The following ZBTB7C variants were observed in gnomAD, a reference collection of about 807,000 sequenced individuals.
ZBTB7C encodes zinc finger and BTB domain containing 7C.
A neutral mutation model predicts 25.7 loss-of-function variants in ZBTB7C; 8 were observed. That is an observed-to-expected ratio of 0.31 (90% CI 0.18 to 0.56). The LOEUF (loss-of-function observed/expected upper bound fraction) is 0.56, where lower values mean the gene tolerates loss of function less well. Ranked by LOEUF, ZBTB7C falls within the 20% of genes least tolerant of loss-of-function variation. The pLI, the probability that ZBTB7C is intolerant of heterozygous loss-of-function variation, is 0.91. For missense variants in ZBTB7C, 824 were observed against 855.2 expected (o/e 0.96, Z 0.46); for synonymous variants, 394 against 369.0 (o/e 1.07, Z -0.78).
At chr18:48,129,630 T>C (rs1453919060) in intron 3 of ZBTB7C, among the ~76,000 whole-genome samples, 1 of 152,180 alleles carries the variant, frequency 6.6e-6, no homozygotes, top group African/African-American at 2.4e-5. Context: ...GTGTCTCTAA[T>C]GTCACTGGTG....
intron 3 of ZBTB7C, among the ~76,000 whole-genome samples, chr18:48,121,754 G>A (rs2039637726): frequency 1.3e-5 from 2 of 152,210 alleles, no homozygotes; most frequent in African/African-American, 4.8e-5. Context: ...GTTTCCATCT[G>A]TAAAATAAGG....
rs1371649184 is a variant in ZBTB7C at position 48,040,416 on chromosome 18, A to G, written c.692T>C (p.Leu231Pro). 1.2e-6 allele frequency: 2 copies of G among 1,610,644 alleles called. No homozygotes were observed. Among genetic ancestry groups the G allele is most frequent in the Non-Finnish European group, 1.7e-6 (2 of 1,178,358 alleles). Residue 231 changes from leucine to proline, a missense_variant, in exon 4 of 5, where the codon CTA becomes CCA. By Grantham distance (98) the Leu-to-Pro change is moderately conservative. Transcript: ENST00000590800. ...GGCCTTGGGGTACAGGTTCTCCCTT[A>G]GCAGAGATTCGATGGAGAAGTCCCG... ...VIRDFSIESL[L>P]RENLYPKANI...
In ZBTB7C at chr18:48,340,657, G is replaced by A. The variant is rs533375258; in HGVS notation, c.-303-2259C>T. Among the ~76,000 whole-genome samples the A allele has an allele frequency of 2.0e-5, 3 of 152,310 alleles. No homozygotes were observed. The South Asian group carries it at 6.2e-4, about 32-fold the overall frequency. On this transcript the variant is annotated intron_variant, in intron 1 of 4. Coordinates refer to ENST00000590800, the MANE Select transcript of ZBTB7C (RefSeq NM_001318841.2). Reference sequence around the variant, plus strand: ...AGCACATTCATTTTTGTTGGCGTGGGGAGGGTGAGGATAGGAGCTCTTCCA... The same window carrying A: ...AGCACATTCATTTTTGTTGGCGTGGAGAGGGTGAGGATAGGAGCTCTTCCA...
intron 3 of ZBTB7C, among the ~76,000 whole-genome samples, chr18:48,084,960 A>G (rs576461484): frequency 6.6e-6 from 1 of 152,220 alleles, no homozygotes; most frequent in African/African-American, 2.4e-5. Flanking sequence ...TCATTCCACA[A>G]TCAAACCTTC....
intron 2 of ZBTB7C, among the ~76,000 whole-genome samples, chr18:48,265,037 C>G (rs977822153): frequency 9.2e-5 from 14 of 152,164 alleles, no homozygotes; most frequent in African/African-American, 3.4e-4. Context: ...GATCTGCCTT[C>G]TAGTCCTGGT....
intron 3 of ZBTB7C, among the ~76,000 whole-genome samples, chr18:48,067,082 A>G (rs2037357836): frequency 6.6e-6 from 1 of 152,166 alleles, no homozygotes; most frequent in South Asian, 2.1e-4. Flanking sequence ...AGCCTGGGTG[A>G]CAGAGCAAGT....
At chr18:48,091,238 A>ATTTTTTTTTTTTTT (rs35051690) in intron 3 of ZBTB7C, among the ~76,000 whole-genome samples, 3 of 64,670 alleles carry the variant, frequency 4.6e-5, no homozygotes, top group South Asian at 7.0e-4. Context: ...TGCCCGGATA[A>ATTTTTTTTTTTTTT]TTTTTTTTTT....
chr18:48,073,660 C>G (rs1426301369), intron 3 of ZBTB7C, among the ~76,000 whole-genome samples: 9 of 152,062 alleles, frequency 5.9e-5, no homozygotes, highest in Non-Finnish European at 1.0e-4. Context: ...CCCTCCCTCT[C>G]CCCCCACCCA....
intron 3 of ZBTB7C, among the ~76,000 whole-genome samples, chr18:48,160,481 G>A (rs1345459129): frequency 6.6e-6 from 1 of 152,206 alleles, no homozygotes; most frequent in African/African-American, 2.4e-5. Flanking sequence ...TCTTGGGCAG[G>A]TCATCTCCCG....
At chr18:48,259,837 T>A (rs2044121152) in intron 2 of ZBTB7C, among the ~76,000 whole-genome samples, 1 of 152,116 alleles carries the variant, frequency 6.6e-6, no homozygotes, top group African/African-American at 2.4e-5. Context: ...ATTAGAATAG[T>A]GAAAATAAGA....
chr18:48,156,529 C>G (rs1035060441), intron 3 of ZBTB7C, among the ~76,000 whole-genome samples: 4 of 152,224 alleles, frequency 2.6e-5, no homozygotes, highest in African/African-American at 9.6e-5. Flanking sequence ...ATTTCATTTT[C>G]TTGGCTGTGT....
chr18:48,105,484 A>G (rs900608773), intron 3 of ZBTB7C, among the ~76,000 whole-genome samples: 4 of 152,098 alleles, frequency 2.6e-5, no homozygotes, highest in African/African-American at 9.7e-5. Flanking sequence ...TGGCCCTGAC[A>G]TGATTAATAC....
rs561478164 is a variant in ZBTB7C at position 48,354,155 on chromosome 18, C to A, written c.-303-15757G>T. Among the ~76,000 whole-genome samples, 9 of 152,224 alleles carry A rather than the reference C, an allele frequency of 5.9e-5. No homozygotes were observed. The South Asian group carries it at 1.7e-3, about 28-fold the overall frequency. Reference sequence around the variant, plus strand: ...CACAAAACTCCATCTTTCTTTGAGGCCTGAACAAACAGGTTTTTGTCGTTT... The same window carrying A: ...CACAAAACTCCATCTTTCTTTGAGGACTGAACAAACAGGTTTTTGTCGTTT... On this transcript the variant is annotated intron_variant, in intron 1 of 4. Coordinates refer to ENST00000590800, the MANE Select transcript of ZBTB7C (RefSeq NM_001318841.2).
intron 2 of ZBTB7C, among the ~76,000 whole-genome samples, chr18:48,187,818 C>T (rs1391724312): frequency 2.5e-5 from 1 of 40,008 alleles, no homozygotes. Flanking sequence ...AAGACCCCGT[C>T]TCAAAAAAAA....
intron 3 of ZBTB7C, among the ~76,000 whole-genome samples, chr18:48,068,612 C>T (rs2037426061): frequency 6.6e-6 from 1 of 152,162 alleles, no homozygotes; most frequent in Non-Finnish European, 1.5e-5. Context: ...CCAGGGCCTC[C>T]CCATGTGCAA....
In ZBTB7C at chr18:48,283,273, G is replaced by A. The variant is rs561957731; in HGVS notation, c.-79+54901C>T. Among the ~76,000 whole-genome samples, 9 of 152,266 alleles carry A rather than the reference G, an allele frequency of 5.9e-5. No homozygotes were observed. In the South Asian group the frequency reaches 1.9e-3, roughly 32 times the overall value. On this transcript the variant is annotated intron_variant, in intron 2 of 4. Coordinates refer to ENST00000590800, the MANE Select transcript of ZBTB7C (RefSeq NM_001318841.2). ...AATTTGGAAATAGCCTAAATGTTGA[G>A]CAAATGTACTCCTATTGTGCAGCCA... is the stretch of plus-strand genomic sequence containing the variant.
chr18:48,210,281 T>C (rs956332949), intron 2 of ZBTB7C, among the ~76,000 whole-genome samples: 1 of 152,168 alleles, frequency 6.6e-6, no homozygotes, highest in Non-Finnish European at 1.5e-5. Flanking sequence ...AGGTTAAATA[T>C]AGAGTTACCA....
At chr18:48,356,872 C>T (rs768360621) in intron 1 of ZBTB7C, among the ~76,000 whole-genome samples, 1 of 152,204 alleles carries the variant, frequency 6.6e-6, no homozygotes, top group African/African-American at 2.4e-5. Context: ...CCTCTCAGCC[C>T]CCACAGCACC....
chr18:48,305,818 C>T (rs2045659259), intron 2 of ZBTB7C, among the ~76,000 whole-genome samples: 1 of 152,168 alleles, frequency 6.6e-6, no homozygotes, highest in Admixed American at 6.5e-5. Context: ...CCCAGAGGCT[C>T]AGGGAGCTCA....
Sources: allele counts gnomAD v4.1 joint callset (sites outside exome capture counted in the v4.1 genomes callset), GRCh38; gene constraint gnomAD v4.1.1; transcripts MANE v1.5; gene names NCBI Gene and HGNC (gene_info 2026-07-23, HGNC 2026-07-21).